AK9: variants seen among roughly 807,000 people sequenced by gnomAD.
The protein encoded by AK9 is adenylate kinase domain containing 1.
A neutral mutation model predicts 239.6 loss-of-function variants in AK9; 191 were observed. The observed-to-expected ratio is 0.80, with a 90% CI of 0.71 to 0.90. The LOEUF (loss-of-function observed/expected upper bound fraction) is 0.90. Ranked by LOEUF, AK9 falls within the 40% of genes least tolerant of loss-of-function variation. The probability of loss-of-function intolerance (pLI) is 0.00; values close to 1 mark genes in which losing one functional copy is unlikely to be tolerated. For synonymous variants in AK9, 689 were observed against 721.0 expected, an observed-to-expected ratio of 0.96 and a Z score of 0.71; for missense variants, 1,995 against 2,214.7, an observed-to-expected ratio of 0.90 and a Z score of 1.99.
At chr6:109,534,066 A>G (rs1026651152) in intron 27 of AK9, among the ~76,000 whole-genome samples, 5 of 152,030 alleles carry the variant, frequency 3.3e-5, no homozygotes, top group African/African-American at 4.8e-5. Flanking sequence ...CTTGTAACTG[A>G]TGACAATTGT....
chr6:109,563,858 CCTT>C lies in AK9; in HGVS notation c.2636-149_2636-147del. Reference sequence around the variant, plus strand: ...GTATGCAAATAGGCCTTTATAAGTTCCTTACGTGACAACTGGCCAGTATGGCCA... The same window carrying C: ...GTATGCAAATAGGCCTTTATAAGTTCACGTGACAACTGGCCAGTATGGCCA... On this transcript the variant is annotated intron_variant, in intron 23 of 40. Transcript: ENST00000424296. The C allele has an allele frequency of 2.6e-6, 3 of 1,172,768 alleles. No homozygotes were observed. The African/African-American group carries it at 4.7e-5, about 18-fold the overall frequency. The allele number at this position is 1,172,768 out of a possible 1,614,324, so 72.6% of individuals were successfully genotyped here. A position where few individuals can be genotyped will look rare whatever the true frequency, so the allele number is the denominator to read the frequency against.
Position 109,546,085 on chromosome 6 carries a change from C to G in AK9, c.3007G>C (p.Gly1003Arg). The G allele has an allele frequency of 6.2e-7, 1 of 1,607,648 alleles. No individual in the cohort carries two copies. The highest frequency in any genetic ancestry group is 8.5e-7 in the Non-Finnish European group (1 of 1,177,012). Residue 1003 changes from glycine (G) to arginine (R), a missense_variant, in exon 26 of 41, where the codon GGC (glycine) becomes CGC (arginine). Transcript: ENST00000424296. ...RICLVGPQGS[G>R]KTMCGRQLAE... ...AACTGTCTTCCACACATAGTTTTGC[C>G]AGAGCCCTGGGGGCCGACAAGGCAT...
At chr6:109,672,240 C>T (rs1771027286) in intron 3 of AK9, 73 bp from the exon 4 acceptor site, 2 of 1,245,706 alleles carry the variant, frequency 1.6e-6, no homozygotes, top group East Asian at 4.9e-5. Flanking sequence ...ATTCTAGTGT[C>T]TTGTAACTGG....
At chr6:109,515,083 G>C (rs1779139835) in intron 31 of AK9, among the ~76,000 whole-genome samples, 1 of 152,162 alleles carries the variant, frequency 6.6e-6, no homozygotes, top group Admixed American at 6.5e-5. Flanking sequence ...AACCCTGCTG[G>C]CACCTTGATC....
In AK9 at chr6:109,514,335, T is replaced by C; in HGVS notation, c.4168A>G (p.Lys1390Glu). 1.3e-6 allele frequency: 2 copies of C among 1,551,374 alleles called. No individual in the cohort carries two copies. The highest frequency in any genetic ancestry group is 8.7e-7 in the Non-Finnish European group (1 of 1,146,774). The change falls in exon 32 of 41, where the codon AAA becomes GAA. Residue 1390 changes from lysine to glutamate, a missense_variant. Coordinates refer to ENST00000424296, the MANE Select transcript of AK9 (RefSeq NM_001145128.3). ...YIYFLSSKET[K>E]EKFMKNPIKY... The stretch of plus-strand genomic sequence containing the variant: ...ATTGGGTTCTTCATAAATTTTTCTT[T>C]TGTTTCTTTACTAGATAAAAAATAA...
chr6:109,652,952 C>T lies in AK9; in HGVS notation c.759+3804G>A, dbSNP rs748048930. ...AGGTGTTTTTTTTTTGTTTTTGAGA[C>T]GGAGTTTCACTGTCACCCAGGCTGG... On this transcript the variant is annotated intron_variant, in intron 8 of 40. Coordinates refer to ENST00000424296, the MANE Select transcript of AK9 (RefSeq NM_001145128.3). Among the ~76,000 whole-genome samples the T allele has an allele frequency of 9.2e-5, 14 of 151,562 alleles. No individual in the cohort carries two copies. The East Asian group carries it at 9.7e-4, about 11-fold the overall frequency.
chr6:109,513,213 A>C (rs2128112082), intron 32 of AK9, among the ~76,000 whole-genome samples: 1 of 152,234 alleles, frequency 6.6e-6, no homozygotes, highest in South Asian at 2.1e-4. Flanking sequence ...TATACTTAAC[A>C]TATTTGACTA....
intron 12 of AK9, among the ~76,000 whole-genome samples, chr6:109,624,123 A>G (rs902976141): frequency 1.3e-5 from 2 of 151,908 alleles, no homozygotes; most frequent in Non-Finnish European, 1.5e-5. Context: ...CTTCACAAGT[A>G]TAAATTTCTG....
intron 17 of AK9, among the ~76,000 whole-genome samples, chr6:109,608,364 A>G (rs1401233530): frequency 6.6e-6 from 1 of 151,900 alleles, no homozygotes; most frequent in Admixed American, 6.6e-5. Flanking sequence ...CAGAACGAAG[A>G]GTCTATAAAG....
In AK9 at chr6:109,659,293, T is replaced by C. The variant is rs777991774; in HGVS notation, c.565A>G (p.Lys189Glu). ...CCTTTTCCGTCCTTTTGGGCTTCTT[T>C]CTTCTTTTTCCTATGATTCTCAATG... ...EVIENHRKKK[K>E]EAQKDGKGEE... Residue 189 changes from lysine to glutamate, a missense_variant, in exon 7 of 41, where the codon AAA becomes GAA. This residue lies in a region of AK9 where 252 missense variants were observed against 246.4 expected (regional missense o/e 1.02). Transcript: ENST00000424296. 1 of 1,606,872 alleles carries C rather than the reference T, an allele frequency of 6.2e-7. No individual in the cohort carries two copies.
chr6:109,494,959 T>G (rs531825088), intron 39 of AK9, among the ~76,000 whole-genome samples: 5 of 152,258 alleles, frequency 3.3e-5, no homozygotes, highest in Non-Finnish European at 5.9e-5. Flanking sequence ...GTTGTGTCAC[T>G]GTAACTCTTT....
chr6:109,619,404 G>C (rs901837714), intron 12 of AK9, among the ~76,000 whole-genome samples, 168 bp from the exon 13 acceptor site: 27 of 151,814 alleles, frequency 1.8e-4, no homozygotes, highest in Non-Finnish European at 3.7e-4. Context: ...CTATTTTTGA[G>C]TACTTGCTTT....
At position 109,610,378 on chromosome 6, in the gene AK9, T is replaced by C. The variant is rs1445623284; in HGVS notation, c.1829A>G (p.Glu610Gly). The change falls in exon 17 of 41, where the codon GAA becomes GGA. Residue 610 changes from glutamate to glycine, a missense_variant. By Grantham distance (98) the Glu-to-Gly change is moderately conservative. Coordinates refer to ENST00000424296, the MANE Select transcript of AK9 (RefSeq NM_001145128.3). ...TAGATTTTTTACCTCTCCAAGGACT[T>C]CCTGTAAGATTTCAGCATGTTTTTC... ...PYEKHAEILQ[E>G]VLGEVMEENK... 6.4e-7 allele frequency: 1 copy of C among 1,551,610 alleles called. No individual in the cohort carries two copies. Among genetic ancestry groups the C allele is most frequent in the Admixed American group, 2.0e-5 (1 of 51,008 alleles).
At chr6:109,560,464 T>TC (rs373124703) in intron 24 of AK9, among the ~76,000 whole-genome samples, 1 of 152,214 alleles carries the variant, frequency 6.6e-6, no homozygotes, top group Non-Finnish European at 1.5e-5. Context: ...CATTTTTTTT[T>TC]CTTACCAGTA....
At chr6:109,636,086 G>A (rs1026801090) in intron 10 of AK9, among the ~76,000 whole-genome samples, 19 of 152,176 alleles carry the variant, frequency 1.2e-4, no homozygotes, top group African/African-American at 4.6e-4. Context: ...CTGATAGGCT[G>A]TACCGCTGAA....
rs193144178 is a variant in AK9 at position 109,620,544 on chromosome 6, T to C, written c.1255-1308A>G. ...TAGATAATAGATTTAATACAGAATA[T>C]TGGGATCTTAAAAATAGGATTCTAT... On this transcript the variant is annotated intron_variant, in intron 12 of 40. Coordinates refer to ENST00000424296, the MANE Select transcript of AK9 (RefSeq NM_001145128.3). Among the ~76,000 whole-genome samples the C allele has an allele frequency of 3.6e-4, 55 of 152,244 alleles. No homozygotes were observed. In the East Asian group the frequency reaches 8.1e-3, roughly 22 times the overall value.
chr6:109,561,678 A>G (rs1785799115), intron 24 of AK9, among the ~76,000 whole-genome samples: 1 of 152,040 alleles, frequency 6.6e-6, no homozygotes, highest in Non-Finnish European at 1.5e-5. Context: ...ATTGTTTTTG[A>G]TGAGAAATAT....
chr6:109,532,915 G>A (rs1781475226), intron 28 of AK9, among the ~76,000 whole-genome samples: 1 of 151,918 alleles, frequency 6.6e-6, no homozygotes, highest in Non-Finnish European at 1.5e-5. Flanking sequence ...ATCGCTCCAG[G>A]GGCAGCGAAA....
At chr6:109,678,536 A>G (rs916109684) in intron 1 of AK9, among the ~76,000 whole-genome samples, 2 of 152,198 alleles carry the variant, frequency 1.3e-5, no homozygotes, top group Non-Finnish European at 2.9e-5. Context: ...AGAGAAATAA[A>G]GGCACAAGAT....
Sources: allele counts gnomAD v4.1 joint callset (sites outside exome capture counted in the v4.1 genomes callset), GRCh38; gene constraint gnomAD v4.1.1; regional missense constraint gnomAD v4.1.1; transcripts MANE v1.5; gene names NCBI Gene and HGNC (gene_info 2026-07-23, HGNC 2026-07-21).